The following ZNF521 variants were observed in gnomAD, a reference collection of about 807,000 sequenced individuals.
The protein encoded by ZNF521 is LYST-interacting protein 3.
A neutral mutation model predicts 105.5 loss-of-function variants in ZNF521; 14 were observed. That is an observed-to-expected ratio of 0.13 (90% CI 0.09 to 0.21). The LOEUF (loss-of-function observed/expected upper bound fraction) is 0.21, where lower values mean the gene tolerates loss of function less well. Ranked by LOEUF, ZNF521 falls within the 10% of genes least tolerant of loss-of-function variation. The pLI, the probability that ZNF521 is intolerant of heterozygous loss-of-function variation, is 1.00. For missense variants in ZNF521, 1,233 were observed against 1,629.7 expected, an observed-to-expected ratio of 0.76 and a Z score of 4.19; for synonymous variants, 635 against 606.0, an observed-to-expected ratio of 1.05 and a Z score of -0.70.
chr18:25,342,191 T>C (rs117466795), intron 2 of ZNF521, among the ~76,000 whole-genome samples: 1 of 152,126 alleles, frequency 6.6e-6, no homozygotes, highest in East Asian at 1.9e-4. Flanking sequence ...TAATATGCAC[T>C]CCCTTGAGCC....
chr18:25,327,398 G>GTA, intron 2 of ZNF521: 1 of 1,144,976 alleles, frequency 8.7e-7, no homozygotes, highest in Non-Finnish European at 1.1e-6. Flanking sequence ...GTTCATATGT[G>GTA]TACTCACAAC....
intron 7 of ZNF521, among the ~76,000 whole-genome samples, chr18:25,084,648 A>G (rs2033580994): frequency 6.6e-6 from 1 of 152,200 alleles, no homozygotes; most frequent in African/African-American, 2.4e-5. Context: ...AAATACTAGA[A>G]TTTCAGAGCC....
intron 5 of ZNF521, among the ~76,000 whole-genome samples, chr18:25,189,993 G>A (rs143627151): frequency 6.6e-6 from 1 of 152,096 alleles, no homozygotes; most frequent in Admixed American, 6.6e-5. Context: ...AGATGACCTG[G>A]CCCACTTCTC....
chr18:25,270,352 G>C (rs1909568429), intron 3 of ZNF521, among the ~76,000 whole-genome samples: 1 of 152,176 alleles, frequency 6.6e-6, no homozygotes, highest in African/African-American at 2.4e-5. Flanking sequence ...GAGGTACAAA[G>C]AGGAGCTGGT....
At chr18:25,067,792 C>G (rs2033108593) in intron 7 of ZNF521, among the ~76,000 whole-genome samples, 1 of 152,256 alleles carries the variant, frequency 6.6e-6, no homozygotes, top group South Asian at 2.1e-4. Flanking sequence ...ATTGCCTTCA[C>G]TTTTCTAATT....
At chr18:25,232,759 A>G (rs1350632502) in intron 3 of ZNF521, among the ~76,000 whole-genome samples, 1 of 152,244 alleles carries the variant, frequency 6.6e-6, no homozygotes, top group Non-Finnish European at 1.5e-5. Flanking sequence ...AACACGAGCA[A>G]TACAATCATT....
In ZNF521 at chr18:25,303,242, G is replaced by GA. The variant is rs11310309; in HGVS notation, c.220+18765dup. Among the ~76,000 whole-genome samples, 343 of 148,978 alleles carry GA rather than the reference G, an allele frequency of 2.3e-3. 1 individual carries two copies. The highest frequency in any genetic ancestry group is 5.6e-3 in the African/African-American group (228 of 40,590). On this transcript the variant is annotated intron_variant, in intron 3 of 7. Transcript: ENST00000361524. ...GGACTGCTTATCTCTAGAATTCTGT[G>GA]AAAAAAAAAAGAAACTCTTTCTTTC...
chr18:25,164,471 T>C (rs890948570), intron 5 of ZNF521, among the ~76,000 whole-genome samples: 1 of 152,246 alleles, frequency 6.6e-6, no homozygotes, highest in Non-Finnish European at 1.5e-5. Context: ...ATATTTATCA[T>C]GCATTTTGAC....
chr18:25,265,428 C>T (rs929150920), intron 3 of ZNF521, among the ~76,000 whole-genome samples: 1 of 152,160 alleles, frequency 6.6e-6, no homozygotes, highest in African/African-American at 2.4e-5. Flanking sequence ...TACTGTTACC[C>T]AGTTTCTCTC....
chr18:25,140,242 C>T (rs1424110225), intron 5 of ZNF521, among the ~76,000 whole-genome samples: 3 of 152,116 alleles, frequency 2.0e-5, no homozygotes, highest in African/African-American at 7.2e-5. Flanking sequence ...TTTCTTATTC[C>T]ACTCAGATAC....
At chr18:25,297,552 C>T (rs1366592075) in intron 3 of ZNF521, among the ~76,000 whole-genome samples, 2 of 152,076 alleles carry the variant, frequency 1.3e-5, no homozygotes, top group African/African-American at 4.8e-5. Context: ...GCGAATACCA[C>T]TAAATGCAGT....
intron 5 of ZNF521, among the ~76,000 whole-genome samples, chr18:25,141,377 C>T (rs1465702298): frequency 6.6e-6 from 1 of 152,122 alleles, no homozygotes; most frequent in African/African-American, 2.4e-5. Flanking sequence ...CTTTTAGTAC[C>T]ACACTACCCA....
chr18:25,335,253 A>G (rs563311513), intron 2 of ZNF521, among the ~76,000 whole-genome samples: 1 of 152,348 alleles, frequency 6.6e-6, no homozygotes, highest in South Asian at 2.1e-4. Context: ...TCCTAGAATT[A>G]TAAATCAAGA....
chr18:25,222,953 G>T (rs547395766), intron 4 of ZNF521, among the ~76,000 whole-genome samples: 1 of 152,298 alleles, frequency 6.6e-6, no homozygotes, highest in East Asian at 1.9e-4. Flanking sequence ...CAGAGAGAGA[G>T]AAAACGCTAC....
intron 2 of ZNF521, among the ~76,000 whole-genome samples, chr18:25,333,601 C>G (rs1019037716): frequency 6.6e-6 from 1 of 152,046 alleles, no homozygotes; most frequent in Non-Finnish European, 1.5e-5. Context: ...GAAACAGTGA[C>G]AGGTCATGCC....
chr18:25,128,407 G>A (rs2034576624), intron 5 of ZNF521, among the ~76,000 whole-genome samples: 1 of 151,874 alleles, frequency 6.6e-6, no homozygotes, highest in African/African-American at 2.4e-5. Context: ...TCTGAAACAA[G>A]GCAAAGATGT....
intron 2 of ZNF521, chr18:25,327,536 T>C: frequency 1.4e-6 from 1 of 704,088 alleles, no homozygotes; most frequent in South Asian, 1.6e-5. Flanking sequence ...TCCTAATCCC[T>C]GATTTATGTT....
chr18:25,199,294 GA>G (rs906025498), intron 4 of ZNF521, among the ~76,000 whole-genome samples: 1 of 149,070 alleles, frequency 6.7e-6, no homozygotes, highest in Non-Finnish European at 1.5e-5. Flanking sequence ...ATTGTCATGG[GA>G]AAAAAAAAGT....
chr18:25,152,797 T>C (rs958688120), intron 5 of ZNF521, among the ~76,000 whole-genome samples: 7 of 152,186 alleles, frequency 4.6e-5, no homozygotes, highest in African/African-American at 1.4e-4. Flanking sequence ...TCTCTTTTTT[T>C]CTGCTCTTCC....
Sources: gnomAD v4.1 joint callset for allele counts (sites outside exome capture counted in the v4.1 genomes callset) on GRCh38, gnomAD v4.1.1 for gene constraint, MANE v1.5 for transcripts, NCBI Gene and HGNC (gene_info 2026-07-23, HGNC 2026-07-21) for gene names.